The following PXDN variants were observed in gnomAD, a reference collection of about 807,000 sequenced individuals.
PXDN encodes the protein peroxidasin homolog.
Under a neutral mutation model 140.3 loss-of-function variants are expected in PXDN, and 77 were observed. That is an observed-to-expected ratio of 0.55 (90% confidence interval 0.46 to 0.66). The LOEUF is 0.66. Among genes scored for constraint, PXDN ranks in the 30% least tolerant of loss-of-function variants. PXDN has a pLI of 0.00. For synonymous variants in PXDN, 911 were observed against 857.4 expected (o/e 1.06, Z -1.09); for missense variants, 1,838 against 2,039.5 (o/e 0.90, Z 1.90).
chr2:1,715,578 C>T (rs1572187065), intron 1 of PXDN, among the ~76,000 whole-genome samples: 3 of 152,328 alleles, frequency 2.0e-5, no homozygotes, highest in Admixed American at 2.0e-4. Flanking sequence ...GGTGTCGTCC[C>T]CAGCATCCCA....
intron 1 of PXDN, among the ~76,000 whole-genome samples, chr2:1,733,906 A>AT (rs566822774): frequency 2.0e-5 from 3 of 152,020 alleles, no homozygotes; most frequent in Non-Finnish European, 2.9e-5. Context: ...ACTATAAGAC[A>AT]TTTTTTTTAG....
At chr2:1,653,454 C>T (rs971061387) in intron 16 of PXDN, 174 bp downstream of exon 16, 29 of 995,894 alleles carry the variant, frequency 2.9e-5, no homozygotes, top group East Asian at 2.8e-4. Context: ...AAAGTGAGAG[C>T]GACAGGGCTG....
chr2:1,741,371 G>T (rs1017052324), intron 1 of PXDN, among the ~76,000 whole-genome samples: 3 of 152,154 alleles, frequency 2.0e-5, no homozygotes, highest in Non-Finnish European at 4.4e-5. Context: ...CCTCCAGAGG[G>T]GAGGCGCTCT....
At chr2:1,642,335 C>T (rs1345935975) in intron 19 of PXDN, among the ~76,000 whole-genome samples, 3 of 152,168 alleles carry the variant, frequency 2.0e-5, no homozygotes, top group East Asian at 1.9e-4. Context: ...CAGATTTCAA[C>T]GCTTACTAAA....
chr2:1,726,074 C>T (rs1685174793), intron 1 of PXDN, among the ~76,000 whole-genome samples: 1 of 151,972 alleles, frequency 6.6e-6, no homozygotes, highest in Admixed American at 6.6e-5. Context: ...CATCCCATTA[C>T]TGGGTATATA....
Position 1,702,580 on chromosome 2 carries a change from G to A in PXDN, c.201-9446C>T, listed in dbSNP as rs576089158. On this transcript the variant is annotated intron_variant, in intron 1 of 22. Coordinates refer to ENST00000252804, the MANE Select transcript of PXDN (RefSeq NM_012293.3). ...TGACACAGCCTCAGGAGGTCCCGAC[G>A]ACAAATGTCCAAAGTCTTCAGGGCA... Among the ~76,000 whole-genome samples the A allele has an allele frequency of 3.3e-5, 5 of 152,320 alleles. No homozygotes were observed. The East Asian group carries it at 5.8e-4, about 18-fold the overall frequency.
intron 1 of PXDN, among the ~76,000 whole-genome samples, chr2:1,722,418 G>A (rs981384254): frequency 6.6e-6 from 1 of 152,212 alleles, no homozygotes; most frequent in African/African-American, 2.4e-5. Context: ...AGAATCCATT[G>A]CGTGCAATGC....
At chr2:1,636,908 C>T (rs1360577510) in intron 21 of PXDN, 1 of 152,256 alleles carries the variant, frequency 6.6e-6, no homozygotes, top group Non-Finnish European at 1.5e-5. Flanking sequence ...AACACCTCTG[C>T]ACACATGGGG....
chr2:1,655,837 ACAG>A (rs551805506), intron 14 of PXDN, among the ~76,000 whole-genome samples: 20 of 151,728 alleles, frequency 1.3e-4, no homozygotes, highest in Non-Finnish European at 2.9e-4. Flanking sequence ...CCACACACAC[ACAG>A]ATTATATATG....
At chr2:1,655,401 A>C (rs111877845) in intron 14 of PXDN, among the ~76,000 whole-genome samples, 2 of 151,756 alleles carry the variant, frequency 1.3e-5, no homozygotes, top group Non-Finnish European at 2.9e-5. Flanking sequence ...CACACCACAC[A>C]CATCACATTA....
rs561422656 is a variant in PXDN at position 1,680,950 on chromosome 2, A to T, written c.561-588T>A. ...TCTAGTGAGTGGCACATCCTGTCCC[A>T]ACAAGGGGAACACGGGCAGGATGTG... On this transcript the variant is annotated intron_variant, in intron 6 of 22. Coordinates refer to ENST00000252804, the MANE Select transcript of PXDN (RefSeq NM_012293.3). Among the ~76,000 whole-genome samples, 323 of 152,338 alleles carry T rather than the reference A, an allele frequency of 2.1e-3. 7 individuals carry two copies. Among genetic ancestry groups the T allele is most frequent in the Non-Finnish European group, 5.7e-4 (39 of 68,026 alleles).
chr2:1,704,888 C>T (rs1684554080), intron 1 of PXDN, among the ~76,000 whole-genome samples: 1 of 152,120 alleles, frequency 6.6e-6, no homozygotes, highest in African/African-American at 2.4e-5. Context: ...GGTCCCAAGA[C>T]TTACTTTCTT....
intron 9 of PXDN, among the ~76,000 whole-genome samples, chr2:1,669,060 T>C (rs1026333151): frequency 2.6e-5 from 4 of 152,076 alleles, no homozygotes; most frequent in African/African-American, 9.7e-5. Context: ...CAAATGCCCA[T>C]CAATGATAGA....
intron 1 of PXDN, among the ~76,000 whole-genome samples, chr2:1,717,907 C>T (rs953985642): frequency 4.0e-5 from 6 of 151,550 alleles, no homozygotes; most frequent in East Asian, 2.0e-4. Flanking sequence ...ACCCACTAAC[C>T]GACCACCCAA....
In PXDN at chr2:1,687,592, G is replaced by A. The variant is rs776660118; in HGVS notation, c.416+40C>T. On this transcript the variant is annotated intron_variant, in intron 4 of 22. Coordinates refer to ENST00000252804, the MANE Select transcript of PXDN (RefSeq NM_012293.3). The surrounding 1 kb of genome is among the most constrained non-coding windows in gnomAD (Gnocchi z 4.0). ...CCCTACAAGAGGAAAACAGCCAGAC[G>A]GCATCCAAGAACTAAAGCACGAAGA... 33 of 1,422,916 alleles carry A rather than the reference G, an allele frequency of 2.3e-5. No individual in the cohort carries two copies. The highest frequency in any genetic ancestry group is 3.8e-5 in the Admixed American group (2 of 53,082). The allele number at this position is 1,422,916 out of a possible 1,614,324, so 88.1% of individuals were successfully genotyped here.
In PXDN at chr2:1,680,332, G is replaced by A. The variant is rs774002614; in HGVS notation, c.591C>T (p.Asp197=). The change falls in exon 7 of 23, where the codon GAC becomes GAT. Residue 197 remains aspartate (D), a synonymous_variant. Transcript: ENST00000252804. ...LRLDSNTLHC[D]CEILWLADLL... ...AATCCGCCAACCACAGGATTTCACA[G>A]TCGCAGTGAAGTGTGTTTGAGTCCA... The A allele has an allele frequency of 2.5e-6, 4 of 1,613,956 alleles. No homozygotes were observed. Among genetic ancestry groups the A allele is most frequent in the African/African-American group, 2.7e-5 (2 of 74,952 alleles).
At position 1,693,056 on chromosome 2, in the gene PXDN, C is replaced by T. The variant is rs1469770470; in HGVS notation, c.272+7G>A. 3 of 1,534,632 alleles carry T rather than the reference C, an allele frequency of 2.0e-6. No homozygotes were observed. The highest frequency in any genetic ancestry group is 1.4e-5 in the African/African-American group (1 of 72,840). On this transcript the variant is annotated splice_region_variant and intron_variant, in intron 2 of 22. Coordinates refer to ENST00000252804, the MANE Select transcript of PXDN (RefSeq NM_012293.3). The stretch of plus-strand genomic sequence containing the variant: ...CTATTAGTTTCCAATAGAATATTTC[C>T]ACTCACAATGTGTTCAAGTTCCTCA...
intron 1 of PXDN, among the ~76,000 whole-genome samples, chr2:1,711,513 G>T: frequency 8.8e-6 from 1 of 113,490 alleles, no homozygotes; most frequent in African/African-American, 3.9e-5. Context: ...CTCTCCACCA[G>T]CACCCACTCC....
intron 1 of PXDN, among the ~76,000 whole-genome samples, chr2:1,693,936 G>A (rs1302146168): frequency 6.6e-6 from 1 of 152,244 alleles, no homozygotes; most frequent in Non-Finnish European, 1.5e-5. Context: ...AGGCAGCCAG[G>A]TCAGAGGCCT....
Sources: gnomAD v4.1 joint callset for allele counts (sites outside exome capture counted in the v4.1 genomes callset) on GRCh38, gnomAD v4.1.1 for gene constraint, Gnocchi (gnomAD v3.1) non-coding constraint, MANE v1.5 for transcripts, NCBI Gene and HGNC (gene_info 2026-07-23, HGNC 2026-07-21) for gene names.